Variants in LINGO2 observed in about 807,000 individuals in gnomAD.
LINGO2 encodes the protein leucine-rich repeat and immunoglobulin-like domain-containing nogo receptor-interacting protein 2.
A neutral mutation model predicts 30.6 loss-of-function variants in LINGO2; 14 were observed. That is an observed-to-expected ratio of 0.46 (90% CI 0.30 to 0.72). The LOEUF (loss-of-function observed/expected upper bound fraction) is 0.72, where lower values mean the gene tolerates loss of function less well. Ranked by LOEUF, LINGO2 falls within the 30% of genes least tolerant of loss-of-function variation. LINGO2 has a pLI of 0.07. For missense variants in LINGO2, 729 were observed against 751.7 expected (o/e 0.97, Z 0.35); for synonymous variants, 317 against 288.5 (o/e 1.10, Z -1.00).
chr9:28,856,332 T>G, the LINGO2 span, among the ~76,000 whole-genome samples: 1 of 151,984 alleles, frequency 6.6e-6, no homozygotes, highest in Non-Finnish European at 1.5e-5. Context: ...TAAAAAGTGA[T>G]ATAACAAAAT....
chr9:28,938,617 T>C, the LINGO2 span, among the ~76,000 whole-genome samples: 5 of 152,168 alleles, frequency 3.3e-5, no homozygotes, highest in African/African-American at 9.7e-5. Flanking sequence ...GATACACAAA[T>C]ACTTACCATT....
intron 5 of LINGO2, among the ~76,000 whole-genome samples, chr9:27,962,923 A>C (rs1029759075): frequency 1.3e-5 from 2 of 152,156 alleles, no homozygotes; most frequent in African/African-American, 4.8e-5. Context: ...CTAGCATGTA[A>C]AGTTGGATAT....
At chr9:28,743,129 T>A in the LINGO2 span, among the ~76,000 whole-genome samples, 1 of 152,028 alleles carries the variant, frequency 6.6e-6, no homozygotes, top group Non-Finnish European at 1.5e-5. Flanking sequence ...TTCTAACAGT[T>A]GTTAGTTTTC....
At chr9:28,840,209 T>G in the LINGO2 span, among the ~76,000 whole-genome samples, 1 of 151,756 alleles carries the variant, frequency 6.6e-6, no homozygotes, top group Non-Finnish European at 1.5e-5. Flanking sequence ...CCCAGGACGG[T>G]GGGTCTCCCA....
the LINGO2 span, among the ~76,000 whole-genome samples, chr9:29,026,603 T>G: frequency 6.6e-6 from 1 of 152,126 alleles, no homozygotes; most frequent in Non-Finnish European, 1.5e-5. Flanking sequence ...TAAAAAAAAT[T>G]GTACAGAAAT....
chr9:29,052,996 G>A, the LINGO2 span, among the ~76,000 whole-genome samples: 1 of 151,762 alleles, frequency 6.6e-6, no homozygotes, highest in African/African-American at 2.4e-5. Context: ...TTCTGAAACT[G>A]TCATCATTTT....
chr9:29,036,916 A>G, the LINGO2 span, among the ~76,000 whole-genome samples: 2 of 152,014 alleles, frequency 1.3e-5, no homozygotes, highest in East Asian at 3.8e-4. Flanking sequence ...AAATTTATTA[A>G]TTGAAAAATT....
At chr9:28,184,878 A>T (rs1819487631) in intron 4 of LINGO2, among the ~76,000 whole-genome samples, 1 of 152,148 alleles carries the variant, frequency 6.6e-6, no homozygotes, top group Non-Finnish European at 1.5e-5. Flanking sequence ...TTCAGTACAA[A>T]TTCTTCATTC....
chr9:28,829,480 A>G, the LINGO2 span, among the ~76,000 whole-genome samples: 2 of 152,196 alleles, frequency 1.3e-5, no homozygotes, highest in Admixed American at 6.5e-5. Flanking sequence ...AGCACTACCT[A>G]TAACATTCCT....
At chr9:28,750,719 A>T in the LINGO2 span, among the ~76,000 whole-genome samples, 1 of 152,002 alleles carries the variant, frequency 6.6e-6, no homozygotes, top group Non-Finnish European at 1.5e-5. Flanking sequence ...TGTTATGTGG[A>T]GAAAATCATT....
chr9:28,293,014 C>T (rs1009520384), intron 4 of LINGO2, among the ~76,000 whole-genome samples: 26 of 152,144 alleles, frequency 1.7e-4, no homozygotes, highest in Admixed American at 3.9e-4. Context: ...CCTTGTGATC[C>T]GCCTGCCTTG....
At chr9:28,126,780 T>C (rs2133423011) in intron 4 of LINGO2, among the ~76,000 whole-genome samples, 1 of 152,298 alleles carries the variant, frequency 6.6e-6, no homozygotes, top group South Asian at 2.1e-4. Flanking sequence ...TATTTTCAGG[T>C]GTTACATTTG....
At chr9:27,966,068 TTTA>T (rs1257432327) in intron 5 of LINGO2, among the ~76,000 whole-genome samples, 1 of 152,088 alleles carries the variant, frequency 6.6e-6, no homozygotes, top group Non-Finnish European at 1.5e-5. Context: ...GCTCCATACT[TTTA>T]TTATTATTAT....
At chr9:27,943,364 A>T (rs1174777465), downstream of LINGO2, 1 of 152,176 alleles carries the variant, frequency 6.6e-6, no homozygotes. Context: ...TCTTCTAATG[A>T]CTATTTTGCA....
At chr9:28,745,090 G>C in the LINGO2 span, among the ~76,000 whole-genome samples, 1 of 151,988 alleles carries the variant, frequency 6.6e-6, no homozygotes, top group Non-Finnish European at 1.5e-5. Context: ...TGTTCAACCT[G>C]GGACTAATAG....
At chr9:28,248,411 A>C (rs74850299) in intron 4 of LINGO2, among the ~76,000 whole-genome samples, 9,867 of 152,220 alleles carry the variant, frequency 0.065, 398 homozygotes, top group South Asian at 0.16. Context: ...AATCTGAAGA[A>C]TTAAACTCAT....
At chr9:28,546,961 T>G (rs1821982887) in intron 1 of LINGO2, among the ~76,000 whole-genome samples, 1 of 152,208 alleles carries the variant, frequency 6.6e-6, no homozygotes, top group Admixed American at 6.5e-5. Flanking sequence ...AGTCTTACCC[T>G]CTAATTCCCA....
At chr9:28,214,659 T>C (rs1250968848) in intron 4 of LINGO2, among the ~76,000 whole-genome samples, 1 of 151,424 alleles carries the variant, frequency 6.6e-6, no homozygotes, top group Non-Finnish European at 1.5e-5. Context: ...ACTAAGAAAA[T>C]AGTGTCATCT....
At chr9:28,908,524 A>C in the LINGO2 span, among the ~76,000 whole-genome samples, 3 of 151,888 alleles carry the variant, frequency 2.0e-5, no homozygotes, top group African/African-American at 7.2e-5. Context: ...ACTTGTGTTC[A>C]AAGGAGTAAA....
Sources: gnomAD v4.1 joint callset for allele counts (sites outside exome capture counted in the v4.1 genomes callset) on GRCh38, gnomAD v4.1.1 for gene constraint, MANE v1.5 for transcripts, NCBI Gene and HGNC (gene_info 2026-07-23, HGNC 2026-07-21) for gene names.